The following SPINK2 variants were observed in gnomAD, a reference collection of about 807,000 sequenced individuals.
The protein encoded by SPINK2 is serine protease inhibitor Kazal-type 2.
In SPINK2, 8 loss-of-function variants were observed where a neutral mutation model predicts 13.5. The observed-to-expected ratio is 0.59, with a 90% CI of 0.35 to 1.07. The LOEUF (loss-of-function observed/expected upper bound fraction) is 1.07, where lower values mean the gene tolerates loss of function less well. Among genes scored for constraint, SPINK2 ranks in the 50% least tolerant of loss-of-function variants. The probability of loss-of-function intolerance (pLI) is 0.02; values close to 1 mark genes in which losing one functional copy is unlikely to be tolerated. For missense variants in SPINK2, 148 were observed against 180.3 expected, an observed-to-expected ratio of 0.82 and a Z score of 1.03; for synonymous variants, 76 against 74.7, an observed-to-expected ratio of 1.02 and a Z score of -0.09.
chr4:56,818,674 AAAG>A (rs1717659204), intron 2 of SPINK2, among the ~76,000 whole-genome samples: 1 of 152,140 alleles, frequency 6.6e-6, no homozygotes, highest in Non-Finnish European at 1.5e-5. Context: ...AAAAACAAAA[AAAG>A]ACAGCAGGTC....
chr4:56,819,613 T>TC (rs1477063776), intron 2 of SPINK2, among the ~76,000 whole-genome samples: 1 of 100,168 alleles, frequency 1.0e-5, no homozygotes, highest in Non-Finnish European at 1.9e-5. Context: ...GACTTTTTTT[T>TC]CTTTCTTTTT....
chr4:56,821,778 G>A (rs1717978226), upstream of SPINK2: 1 of 1,148,492 alleles, frequency 8.7e-7, no homozygotes, highest in East Asian at 3.1e-5. Flanking sequence ...GAGAATGGGA[G>A]GAAAAGCAGC....
At chr4:56,818,662 CA>C (rs1282996772) in intron 2 of SPINK2, among the ~76,000 whole-genome samples, 29 of 151,544 alleles carry the variant, frequency 1.9e-4, no homozygotes, top group Admixed American at 1.6e-3. Flanking sequence ...ACTCCGTCTC[CA>C]AAAAACAAAA....
upstream of SPINK2, chr4:56,821,800 A>AGGGAAGAGGGGCGGC (rs1357385970): frequency 1.3e-5 from 11 of 840,776 alleles, no homozygotes; most frequent in East Asian, 7.8e-5. Context: ...GTAGGTGGCG[A>AGGGAAGAGGGGCGGC]GGGAAGAGGG....
intron 2 of SPINK2, among the ~76,000 whole-genome samples, chr4:56,816,198 GAAA>G (rs1717436453): frequency 6.6e-6 from 1 of 152,066 alleles, no homozygotes; most frequent in African/African-American, 2.4e-5. Context: ...CACTAACAAT[GAAA>G]AATCTGAAAA....
intron 2 of SPINK2, among the ~76,000 whole-genome samples, chr4:56,817,068 G>A (rs1036278933): frequency 6.6e-5 from 10 of 151,828 alleles, no homozygotes; most frequent in African/African-American, 2.4e-4. Flanking sequence ...TGGGCGTGGT[G>A]GCACACACTT....
chr4:56,817,687 C>A (rs1717569947), intron 2 of SPINK2, among the ~76,000 whole-genome samples: 1 of 150,426 alleles, frequency 6.6e-6, no homozygotes, highest in African/African-American at 2.4e-5. Flanking sequence ...AACCCTACTT[C>A]TACTAAAGAT....
chr4:56,814,757 C>T (rs1223864625), intron 2 of SPINK2, among the ~76,000 whole-genome samples: 2 of 151,664 alleles, frequency 1.3e-5, no homozygotes, highest in African/African-American at 4.8e-5. Context: ...GTCAGGAAAT[C>T]GAGACCATCC....
intron 1 of SPINK2, 53 bp downstream of exon 1, chr4:56,821,405 G>A: frequency 6.8e-7 from 1 of 1,461,256 alleles, no homozygotes; most frequent in Non-Finnish European, 9.0e-7. Flanking sequence ...AACTAAAGAG[G>A]GTGGCTGACT....
intron 2 of SPINK2, among the ~76,000 whole-genome samples, chr4:56,814,833 C>CG (rs1479397297): frequency 1.3e-5 from 2 of 151,524 alleles, no homozygotes; most frequent in Non-Finnish European, 2.9e-5. Context: ...TGGTGGTGGG[C>CG]GCCTGTAGTC....
At chr4:56,810,261 C>T in intron 3 of SPINK2, 77 bp from the exon 4 acceptor site, 1 of 1,215,304 alleles carries the variant, frequency 8.2e-7, no homozygotes, top group Non-Finnish European at 1.2e-6. Context: ...GTTAAAAAGA[C>T]CCATGTAGAT....
In SPINK2 at chr4:56,812,490, G is replaced by A. The variant is rs571069991; in HGVS notation, c.250-696C>T. On this transcript the variant is annotated intron_variant, in intron 2 of 3. Transcript: ENST00000506738. ...GAATCGAATGAACCTGGGAGGCAGA[G>A]GATGCGGTGAGCCGAGATCACGCCA... 1.8e-4 allele frequency among the ~76,000 whole-genome samples: 26 copies of A among 147,568 alleles called. No homozygotes were observed. The East Asian group carries it at 4.5e-3, about 26-fold the overall frequency.
intron 1 of SPINK2, 103 bp downstream of exon 1, chr4:56,821,355 T>C (rs144449360): frequency 1.4e-6 from 2 of 1,403,958 alleles, no homozygotes; most frequent in Admixed American, 3.2e-5. Context: ...GCGCTCTAGA[T>C]GGCAGGTGTC....
chr4:56,821,645 C>A lies in SPINK2; in HGVS notation c.18G>T (p.Leu6=). 1 of 1,543,024 alleles carries A rather than the reference C, an allele frequency of 6.5e-7. No homozygotes were observed. The highest frequency in any genetic ancestry group is 2.0e-5 in the Admixed American group (1 of 50,752). The change falls in exon 1 of 4, where the codon CTG becomes CTT. Residue 6 remains leucine, a synonymous_variant. Transcript: ENST00000506738. ...CTGCCAGGAGCAGCAGCGCCAAGCG[C>A]AGCACCGACAGCGCCATCCTCCTCC... MALSV[L]RLALLLLAVT...
rs1239211373 is a variant in SPINK2, at chr4:56,821,519, C to A, written c.144G>T (p.Pro48=). The A allele has an allele frequency of 1.9e-6, 3 of 1,542,550 alleles. No individual in the cohort carries two copies. The highest frequency in any genetic ancestry group is 2.6e-6 in the Non-Finnish European group (3 of 1,145,960). ...CGCGGGTACCGTCGCCGAGGCCGCCCGGAGCAGGGCAGGGTCCGCCGCCGG... is the reference window on the plus strand; with the variant it reads ...CGCGGGTACCGTCGCCGAGGCCGCCAGGAGCAGGGCAGGGTCCGCCGCCGG... The part of the protein sequence containing the change: ...SQTGGGPCPA[P]GGLGDGTRAP... Residue 48 remains proline (P), a synonymous_variant, in exon 1 of 4, where the codon CCG becomes CCT. Transcript: ENST00000506738.
At chr4:56,816,573 A>T (rs1717466609) in intron 2 of SPINK2, 1 of 151,606 alleles carries the variant, frequency 6.6e-6, no homozygotes, top group Non-Finnish European at 1.5e-5. Flanking sequence ...AATCGCTTGA[A>T]CCCAGGAGGT....
In SPINK2 at chr4:56,820,563, T is replaced by C. The variant is rs116611500; in HGVS notation, c.222A>G (p.Gln74=). 1.1e-5 allele frequency: 18 copies of C among 1,610,542 alleles called. No homozygotes were observed. The highest frequency in any genetic ancestry group is 1.7e-6 in the Non-Finnish European group (2 of 1,177,488). ...TTCTATATTTTGAAAACAGACCAAA[T>C]TGAGGGATCAGAGAGGCTGTAAGAA... The part of the protein sequence containing the change: ...PEDLPASLIP[Q]FGLFSKYRTP... Residue 74 remains glutamine, a synonymous_variant, in exon 2 of 4, where the codon CAA becomes CAG. Transcript: ENST00000506738.
chr4:56,817,009 C>T (rs973123796), intron 2 of SPINK2, among the ~76,000 whole-genome samples: 56 of 151,996 alleles, frequency 3.7e-4, no homozygotes, highest in African/African-American at 1.3e-3. Flanking sequence ...CGAGACCAGC[C>T]TGACCAACAT....
chr4:56,818,751 C>T (rs918764385), intron 2 of SPINK2, among the ~76,000 whole-genome samples: 3 of 152,194 alleles, frequency 2.0e-5, no homozygotes, highest in African/African-American at 7.2e-5. Flanking sequence ...TAGGAACTCA[C>T]TCACTTTACC....
Sources: allele counts gnomAD v4.1 joint callset (sites outside exome capture counted in the v4.1 genomes callset), GRCh38; gene constraint gnomAD v4.1.1; transcripts MANE v1.5; gene names NCBI Gene and HGNC (gene_info 2026-07-23, HGNC 2026-07-21).